SYN3: variants seen among roughly 807,000 people sequenced by gnomAD.
The protein encoded by SYN3 is synapsin-3.
Under a neutral mutation model 65.8 loss-of-function variants are expected in SYN3, and 35 were observed. The observed-to-expected ratio is 0.53, with a 90% CI of 0.41 to 0.70. SYN3 has a LOEUF of 0.70. SYN3 is among the 30% of genes least tolerant of loss of function. The pLI is 0.00. For missense variants in SYN3, 680 were observed against 749.0 expected (o/e 0.91, Z 1.08); for synonymous variants, 270 against 292.9 (o/e 0.92, Z 0.80).
intron 6 of SYN3, among the ~76,000 whole-genome samples, chr22:32,670,020 T>C (rs1194122698): frequency 6.6e-6 from 1 of 152,222 alleles, no homozygotes; most frequent in African/African-American, 2.4e-5. Context: ...AGTGTCATTA[T>C]ACTAGCCCCA....
intron 2 of SYN3, among the ~76,000 whole-genome samples, chr22:32,993,141 A>T (rs1295686344): frequency 1.3e-5 from 2 of 151,962 alleles, no homozygotes; most frequent in African/African-American, 4.8e-5. Flanking sequence ...TGCCACCTAG[A>T]TCTGTAGAGG....
At chr22:32,661,748 G>T (rs750669793) in intron 6 of SYN3, among the ~76,000 whole-genome samples, 1 of 152,124 alleles carries the variant, frequency 6.6e-6, no homozygotes, top group Non-Finnish European at 1.5e-5. Flanking sequence ...CATCTGGAAC[G>T]GAAGGGAATA....
intron 6 of SYN3, among the ~76,000 whole-genome samples, chr22:32,753,451 G>T (rs962014600): frequency 2.0e-5 from 3 of 152,156 alleles, no homozygotes; most frequent in African/African-American, 7.2e-5. Context: ...CTGGGGAACG[G>T]CTGGCTCCAC....
intron 6 of SYN3, among the ~76,000 whole-genome samples, chr22:32,650,973 G>A (rs1038373708): frequency 1.7e-4 from 26 of 152,122 alleles, no homozygotes; most frequent in Admixed American, 1.4e-3. Flanking sequence ...CATACTTAGC[G>A]ACTGGAATAG....
chr22:32,517,796 C>T (rs973340253), intron 13 of SYN3, among the ~76,000 whole-genome samples: 3 of 151,976 alleles, frequency 2.0e-5, no homozygotes, highest in Non-Finnish European at 4.4e-5. Context: ...TGTTATGCAG[C>T]AAACAATAGC....
At chr22:33,054,920 A>G (rs1470890040) in intron 1 of SYN3, among the ~76,000 whole-genome samples, 1 of 152,190 alleles carries the variant, frequency 6.6e-6, no homozygotes, top group Non-Finnish European at 1.5e-5. Flanking sequence ...CATTTAAAGT[A>G]TCAGCAAGTC....
chr22:32,615,073 G>A (rs1465949859), intron 6 of SYN3, among the ~76,000 whole-genome samples: 1 of 152,154 alleles, frequency 6.6e-6, no homozygotes, highest in Non-Finnish European at 1.5e-5. Context: ...GCTAAGTGCT[G>A]ATGTGCGTTT....
chr22:32,877,442 A>C (rs1443153937), intron 4 of SYN3, among the ~76,000 whole-genome samples: 1 of 152,104 alleles, frequency 6.6e-6, no homozygotes. Flanking sequence ...GGGTTTCCCA[A>C]CCTCAGCACT....
chr22:32,819,627 C>T (rs960042159), intron 6 of SYN3, among the ~76,000 whole-genome samples: 3 of 152,120 alleles, frequency 2.0e-5, no homozygotes, highest in Non-Finnish European at 4.4e-5. Context: ...AGCCTGTTCC[C>T]CTCTTGGCAT....
intron 2 of SYN3, among the ~76,000 whole-genome samples, chr22:33,005,251 C>A (rs898318389): frequency 2.0e-5 from 3 of 152,274 alleles, no homozygotes; most frequent in African/African-American, 7.2e-5. Context: ...CATGCACATG[C>A]GACCCTGTTC....
intron 7 of SYN3, among the ~76,000 whole-genome samples, chr22:32,565,334 G>C (rs575102204): frequency 6.6e-6 from 1 of 152,236 alleles, no homozygotes; most frequent in Admixed American, 6.5e-5. Flanking sequence ...ACTCCAGTGA[G>C]AGTCACATGT....
intron 1 of SYN3, among the ~76,000 whole-genome samples, chr22:33,027,595 A>G (rs1340171202): frequency 2.6e-5 from 4 of 151,050 alleles, no homozygotes; most frequent in Non-Finnish European, 5.9e-5. Context: ...AGACTCTGAA[A>G]AAAGAAAGAA....
intron 6 of SYN3, among the ~76,000 whole-genome samples, chr22:32,740,427 G>A (rs1448740390): frequency 6.6e-6 from 1 of 152,160 alleles, no homozygotes; most frequent in Non-Finnish European, 1.5e-5. Flanking sequence ...TCACGCTCTT[G>A]GAGAATAAGA....
chr22:33,017,096 T>A (rs1276670471), intron 1 of SYN3, among the ~76,000 whole-genome samples: 1 of 152,208 alleles, frequency 6.6e-6, no homozygotes. Flanking sequence ...TGATGTGAGA[T>A]AAGGGTCCAA....
In SYN3 at chr22:32,660,549, C is replaced by T. The variant is rs569176141; in HGVS notation, c.712-63813G>A. ...ATTCATACTGATCTTCTGGAAAGTTCTGGGGTTAAGGGGCTGGCGGGGAAG... is the reference window on the plus strand; with the variant it reads ...ATTCATACTGATCTTCTGGAAAGTTTTGGGGTTAAGGGGCTGGCGGGGAAG... On this transcript the variant is annotated intron_variant, in intron 6 of 13. Coordinates refer to ENST00000358763, the MANE Select transcript of SYN3 (RefSeq NM_003490.4). Among the ~76,000 whole-genome samples the T allele has an allele frequency of 7.9e-5, 12 of 152,312 alleles. No individual in the cohort carries two copies. In the South Asian group the frequency reaches 2.3e-3, roughly 29 times the overall value.
At chr22:32,902,910 T>C (rs1344228431) in intron 4 of SYN3, among the ~76,000 whole-genome samples, 1 of 152,188 alleles carries the variant, frequency 6.6e-6, no homozygotes, top group Non-Finnish European at 1.5e-5. Flanking sequence ...GGATGTATTT[T>C]ACTGAGGAGG....
At chr22:32,943,900 A>C (rs949472075) in intron 3 of SYN3, among the ~76,000 whole-genome samples, 8 of 152,228 alleles carry the variant, frequency 5.3e-5, no homozygotes, top group Non-Finnish European at 1.2e-4. Flanking sequence ...AGAGCTAACT[A>C]TCCTAAATAT....
intron 6 of SYN3, among the ~76,000 whole-genome samples, chr22:32,799,521 G>A (rs1384669915): frequency 1.3e-5 from 2 of 152,218 alleles, no homozygotes; most frequent in Non-Finnish European, 2.9e-5. Flanking sequence ...CCTTCCGTTG[G>A]AGAAAATATC....
chr22:32,992,487 G>A lies in SYN3; in HGVS notation c.312-11785C>T, dbSNP rs150399678. On this transcript the variant is annotated intron_variant, in intron 2 of 13. Coordinates refer to ENST00000358763, the MANE Select transcript of SYN3 (RefSeq NM_003490.4). ...TCATGAAACAAGTCCTCTAGCTTGG[G>A]GGGTTTCTAAACTTGGCCTTACACC... Among the ~76,000 whole-genome samples the A allele has an allele frequency of 2.5e-3, 384 of 152,234 alleles. 2 individuals are homozygous for A. The highest frequency in any genetic ancestry group is 0.01 in the Middle Eastern group (3 of 294).
Sources: allele counts gnomAD v4.1 joint callset (sites outside exome capture counted in the v4.1 genomes callset), GRCh38; gene constraint gnomAD v4.1.1; transcripts MANE v1.5; gene names NCBI Gene and HGNC (gene_info 2026-07-23, HGNC 2026-07-21).